Variants in SLC7A2 observed in about 807,000 individuals in gnomAD.
SLC7A2 encodes solute carrier family 7 member 2, also known as cationic amino acid transporter 2.
SLC7A2 carries 48 observed loss-of-function variants against 58.9 expected under a neutral mutation model. That is an observed-to-expected ratio of 0.82 (90% CI 0.65 to 1.04). The LOEUF is 1.04. SLC7A2 is among the 50% of genes least tolerant of loss of function. The probability of loss-of-function intolerance (pLI) is 0.00; values close to 1 mark genes in which losing one functional copy is unlikely to be tolerated. For missense variants in SLC7A2, 1,029 were observed against 818.8 expected (o/e 1.26, Z -3.13); for synonymous variants, 363 against 314.5 (o/e 1.15, Z -1.63).
At chr8:17,519,338 G>T (rs894182808) in intron 2 of SLC7A2, among the ~76,000 whole-genome samples, 1 of 152,216 alleles carries the variant, frequency 6.6e-6, no homozygotes, top group Non-Finnish European at 1.5e-5. Flanking sequence ...GCAGAAGTAA[G>T]TTATAGTGAT....
At chr8:17,538,821 T>G in intron 2 of SLC7A2, 2 of 1,613,658 alleles carry the variant, frequency 1.2e-6, no homozygotes, top group Non-Finnish European at 1.7e-6. Context: ...AACTAGCAAC[T>G]GGAATGAAGA....
At chr8:17,548,584 C>T (rs1226368443) in intron 4 of SLC7A2, 94 bp from the exon 5 acceptor site, 6 of 841,130 alleles carry the variant, frequency 7.1e-6, no homozygotes, top group Non-Finnish European at 1.1e-5. Flanking sequence ...GACATGAATG[C>T]TGGTGAAATA....
At chr8:17,514,674 C>T (rs1380697231) in intron 2 of SLC7A2, among the ~76,000 whole-genome samples, 5 of 152,142 alleles carry the variant, frequency 3.3e-5, no homozygotes, top group African/African-American at 1.2e-4. Context: ...CTTAGGCTAG[C>T]TTTACTATCA....
intron 5 of SLC7A2, among the ~76,000 whole-genome samples, chr8:17,549,715 C>A (rs1324552371): frequency 6.6e-6 from 1 of 152,102 alleles, no homozygotes; most frequent in African/African-American, 2.4e-5. Context: ...TGGGGTACAC[C>A]TGTATGTTTT....
intron 3 of SLC7A2, among the ~76,000 whole-genome samples, 188 bp downstream of exon 3, chr8:17,543,903 T>C (rs1337764987): frequency 6.6e-6 from 1 of 152,152 alleles, no homozygotes; most frequent in African/African-American, 2.4e-5. Context: ...AGTCTCACTC[T>C]GTCGCCCAGG....
chr8:17,549,912 G>A (rs535405106), intron 5 of SLC7A2, among the ~76,000 whole-genome samples: 4 of 152,304 alleles, frequency 2.6e-5, no homozygotes, highest in Non-Finnish European at 4.4e-5. Flanking sequence ...CTTACTCGAT[G>A]CTTTATGAAT....
intron 2 of SLC7A2, among the ~76,000 whole-genome samples, chr8:17,535,291 C>A (rs1333645632): frequency 3.9e-5 from 6 of 152,058 alleles, no homozygotes; most frequent in Non-Finnish European, 8.8e-5. Context: ...GTGTCCCCAC[C>A]GCCCCCTCCC....
At chr8:17,559,222 A>T (rs560708930) in intron 9 of SLC7A2, among the ~76,000 whole-genome samples, 3 of 152,330 alleles carry the variant, frequency 2.0e-5, no homozygotes, top group African/African-American at 7.2e-5. Context: ...GGCTTGTATT[A>T]GTCCATTCTC....
At chr8:17,534,765 C>T (rs555678427) in intron 2 of SLC7A2, among the ~76,000 whole-genome samples, 4 of 150,008 alleles carry the variant, frequency 2.7e-5, no homozygotes, top group African/African-American at 9.8e-5. Context: ...GTCAATCTGA[C>T]ATAATTTGTT....
intron 2 of SLC7A2, among the ~76,000 whole-genome samples, chr8:17,533,673 C>G (rs1801548261): frequency 6.6e-6 from 1 of 152,234 alleles, no homozygotes; most frequent in Admixed American, 6.5e-5. Flanking sequence ...CCACTACCCT[C>G]CTGGTCCATG....
intron 8 of SLC7A2, 58 bp downstream of exon 8, chr8:17,554,757 C>G: frequency 6.6e-7 from 1 of 1,515,940 alleles, no homozygotes; most frequent in Non-Finnish European, 8.9e-7. Flanking sequence ...AAGGACTCTG[C>G]ATTAAAAATA....
intron 2 of SLC7A2, among the ~76,000 whole-genome samples, chr8:17,509,489 A>G (rs1800508984): frequency 6.6e-6 from 1 of 151,982 alleles, no homozygotes; most frequent in African/African-American, 2.4e-5. Flanking sequence ...TATTTTTAGT[A>G]GAGACAGGGT....
rs60002166 is a variant in SLC7A2 at position 17,500,799 on chromosome 8, T to TACACAC, written c.-68-1418_-68-1413dup. 3.0e-3 allele frequency among the ~76,000 whole-genome samples: 439 copies of TACACAC among 146,128 alleles called. 3 individuals are homozygous for TACACAC. Among genetic ancestry groups the TACACAC allele is most frequent in the African/African-American group, 4.3e-3 (168 of 39,324 alleles). ...GCGAGACTCTGTCTCAACACACACA[T>TACACAC]ACACACACACACACACACACACACA... is the stretch of plus-strand genomic sequence containing the variant. On this transcript the variant is annotated intron_variant, in intron 1 of 12. Transcript: ENST00000494857.
chr8:17,528,050 A>G (rs543475260), intron 2 of SLC7A2, among the ~76,000 whole-genome samples: 2 of 152,116 alleles, frequency 1.3e-5, no homozygotes, highest in Non-Finnish European at 2.9e-5. Flanking sequence ...GTAACCTTCC[A>G]GGAAGAAGAA....
chr8:17,542,230 A>C (rs1471715371), intron 2 of SLC7A2, among the ~76,000 whole-genome samples: 1 of 152,248 alleles, frequency 6.6e-6, no homozygotes, highest in Non-Finnish European at 1.5e-5. Context: ...AAAGCTGTAG[A>C]ATACGTAATG....
chr8:17,551,490 G>A (rs2285292), intron 6 of SLC7A2, among the ~76,000 whole-genome samples: 4 of 152,034 alleles, frequency 2.6e-5, no homozygotes, highest in African/African-American at 7.2e-5. Context: ...CCAGCTACTC[G>A]GGAGGCTGAG....
rs1301383125 is a variant in SLC7A2 at position 17,544,548 on chromosome 8, C to T, written c.474C>T (p.Tyr158=). 3 of 1,613,802 alleles carry T rather than the reference C, an allele frequency of 1.9e-6. No individual in the cohort carries two copies. Among genetic ancestry groups the T allele is most frequent in the South Asian group, 2.2e-5 (2 of 91,062 alleles). Residue 158 remains tyrosine, a synonymous_variant, in exon 4 of 13, where the codon TAC becomes TAT. Transcript: ENST00000494857. The stretch of plus-strand genomic sequence containing the variant: ...TGAGGACATACTTCAGAATGAATTA[C>T]ACTGGTCTTGCAGAATATCCCGATT... ...QFLRTYFRMN[Y]TGLAEYPDFF...
chr8:17,521,738 C>T (rs924490320), intron 2 of SLC7A2, among the ~76,000 whole-genome samples: 5 of 152,206 alleles, frequency 3.3e-5, no homozygotes, highest in Non-Finnish European at 5.9e-5. Context: ...AGAGCCGAAG[C>T]CTTGAAAACC....
At chr8:17,520,570 G>A (rs1800973346) in intron 2 of SLC7A2, among the ~76,000 whole-genome samples, 1 of 142,548 alleles carries the variant, frequency 7.0e-6, no homozygotes, top group Non-Finnish European at 1.5e-5. Flanking sequence ...GAACCTGGGA[G>A]GTGAAGGTTG....
Sources: allele counts gnomAD v4.1 joint callset (sites outside exome capture counted in the v4.1 genomes callset), GRCh38; gene constraint gnomAD v4.1.1; transcripts MANE v1.5; gene names NCBI Gene and HGNC (gene_info 2026-07-23, HGNC 2026-07-21).